PRKCE: variants seen among roughly 807,000 people sequenced by gnomAD.
The protein encoded by PRKCE is protein kinase C epsilon, also known as protein kinase C epsilon type.
In PRKCE, 16 loss-of-function variants were observed where a neutral mutation model predicts 85.4. That is an observed-to-expected ratio of 0.19 (90% CI 0.13 to 0.28). PRKCE has a LOEUF of 0.28. Among genes scored for constraint, PRKCE ranks in the 10% least tolerant of loss-of-function variants. The pLI, the probability that PRKCE is intolerant of heterozygous loss-of-function variation, is 1.00. For synonymous variants in PRKCE, 388 were observed against 371.5 expected, an observed-to-expected ratio of 1.04 and a Z score of -0.51; for missense variants, 573 against 975.2, an observed-to-expected ratio of 0.59 and a Z score of 5.49.
intron 2 of PRKCE, among the ~76,000 whole-genome samples, chr2:45,906,771 A>G (rs79558579): frequency 0.078 from 11,856 of 152,278 alleles, 959 homozygotes; most frequent in East Asian, 0.42. Context: ...CTGGGCATCA[A>G]TGTGCCGGCA....
chr2:45,983,339 G>A (rs570436128), intron 5 of PRKCE, among the ~76,000 whole-genome samples: 1 of 152,152 alleles, frequency 6.6e-6, no homozygotes, highest in Non-Finnish European at 1.5e-5. Context: ...GCCCAGCTTT[G>A]CCGCATGCCA....
intron 2 of PRKCE, among the ~76,000 whole-genome samples, chr2:45,903,887 T>TTTTGTTTG (rs561839364): frequency 0.013 from 1,313 of 102,672 alleles, 65 homozygotes; most frequent in African/African-American, 0.042. Context: ...GGCAGTTTTT[T>TTTTGTTTG]TTTGTTTGTT....
At chr2:45,688,952 C>T (rs1677512170) in intron 1 of PRKCE, among the ~76,000 whole-genome samples, 1 of 152,106 alleles carries the variant, frequency 6.6e-6, no homozygotes. Context: ...TTGATGTTGG[C>T]CTTTTGGGAG....
intron 14 of PRKCE, chr2:46,164,795 C>A (rs1678164371): frequency 6.6e-6 from 1 of 152,308 alleles, no homozygotes; most frequent in Admixed American, 6.5e-5. Flanking sequence ...AGGCTGTACT[C>A]TGCCCAGGCT....
intron 11 of PRKCE, among the ~76,000 whole-genome samples, chr2:46,086,564 T>C (rs921417193): frequency 2.0e-5 from 3 of 152,232 alleles, no homozygotes; most frequent in Non-Finnish European, 4.4e-5. Context: ...CTGGGAGATT[T>C]GACCCACTGT....
At chr2:45,738,413 C>T (rs1452346939) in intron 1 of PRKCE, among the ~76,000 whole-genome samples, 2 of 152,180 alleles carry the variant, frequency 1.3e-5, no homozygotes, top group African/African-American at 2.4e-5. Context: ...TGCCTTTGCT[C>T]ATGCCTTGCC....
chr2:45,881,180 G>A (rs1329665108), intron 2 of PRKCE, among the ~76,000 whole-genome samples: 2 of 151,346 alleles, frequency 1.3e-5, no homozygotes, highest in African/African-American at 4.9e-5. Context: ...AAGATTTCAG[G>A]GTGTATTTGC....
chr2:46,028,638 T>C (rs142623924), intron 10 of PRKCE, among the ~76,000 whole-genome samples: 2 of 152,380 alleles, frequency 1.3e-5, no homozygotes, highest in East Asian at 3.9e-4. Flanking sequence ...GAGTGTTTTC[T>C]ATAAGCCAAG....
intron 11 of PRKCE, among the ~76,000 whole-genome samples, chr2:46,142,739 G>T (rs151058340): frequency 5.9e-5 from 9 of 152,376 alleles, no homozygotes; most frequent in African/African-American, 2.2e-4. Context: ...AGGAGCTGGG[G>T]AGCAGTGAGG....
intron 1 of PRKCE, among the ~76,000 whole-genome samples, chr2:45,826,114 G>T (rs1023825346): frequency 2.6e-5 from 4 of 152,094 alleles, no homozygotes; most frequent in African/African-American, 9.7e-5. Flanking sequence ...TCAGGCCTTT[G>T]CATTTTCAGA....
intron 10 of PRKCE, among the ~76,000 whole-genome samples, chr2:46,019,313 G>C (rs1303870925): frequency 6.6e-6 from 1 of 152,080 alleles, no homozygotes; most frequent in Non-Finnish European, 1.5e-5. Context: ...CGGGAGAATT[G>C]GCGTGTCTAA....
At chr2:46,108,290 C>G (rs1671928783) in intron 11 of PRKCE, among the ~76,000 whole-genome samples, 1 of 152,194 alleles carries the variant, frequency 6.6e-6, no homozygotes, top group Non-Finnish European at 1.5e-5. Flanking sequence ...AATATTTTCT[C>G]CCAGTCTGTG....
At chr2:46,045,673 G>A (rs572475132) in intron 10 of PRKCE, among the ~76,000 whole-genome samples, 32 of 152,292 alleles carry the variant, frequency 2.1e-4, no homozygotes, top group African/African-American at 7.7e-4. Flanking sequence ...GGGGTCAGGA[G>A]TTCGCAACCA....
At chr2:45,846,713 G>C (rs1361875721) in intron 2 of PRKCE, among the ~76,000 whole-genome samples, 1 of 152,192 alleles carries the variant, frequency 6.6e-6, no homozygotes, top group Non-Finnish European at 1.5e-5. Flanking sequence ...ACAGCCTTAG[G>C]AGTCCTTCAG....
At chr2:45,727,738 G>A (rs1681200593) in intron 1 of PRKCE, among the ~76,000 whole-genome samples, 3 of 151,996 alleles carry the variant, frequency 2.0e-5, no homozygotes, top group Admixed American at 2.0e-4. Context: ...CACTGTAACC[G>A]CTGGCTCCTG....
intron 2 of PRKCE, among the ~76,000 whole-genome samples, chr2:45,929,719 C>T (rs1698893556): frequency 1.3e-5 from 2 of 151,520 alleles, no homozygotes; most frequent in South Asian, 4.2e-4. Context: ...TCCCCATCTT[C>T]CCCCCACCCC....
At chr2:45,780,198 G>C (rs1373268440) in intron 1 of PRKCE, among the ~76,000 whole-genome samples, 1 of 152,230 alleles carries the variant, frequency 6.6e-6, no homozygotes, top group Admixed American at 6.5e-5. Context: ...CAGCTGATGT[G>C]CTTGAATGAT....
At chr2:45,929,448 C>G (rs1369293253) in intron 2 of PRKCE, among the ~76,000 whole-genome samples, 3 of 152,030 alleles carry the variant, frequency 2.0e-5, no homozygotes, top group African/African-American at 7.2e-5. Flanking sequence ...CCCCACGGGA[C>G]TGAGTTCAGG....
chr2:45,677,998 G>C (rs1676607088), intron 1 of PRKCE: 1 of 709,456 alleles, frequency 1.4e-6, no homozygotes, highest in South Asian at 6.3e-5. Flanking sequence ...ATGGAGCTGA[G>C]GAACCTTTTA....
Sources: allele counts gnomAD v4.1 joint callset (sites outside exome capture counted in the v4.1 genomes callset), GRCh38; gene constraint gnomAD v4.1.1; transcripts MANE v1.5; gene names NCBI Gene and HGNC (gene_info 2026-07-23, HGNC 2026-07-21).